The following NSD1 variants were observed in gnomAD, a reference collection of about 807,000 sequenced individuals.
The protein encoded by NSD1 is histone-lysine N-methyltransferase, H3 lysine-36 specific.
A neutral mutation model predicts 242.7 loss-of-function variants in NSD1; 26 were observed. That is an observed-to-expected ratio of 0.11 (90% CI 0.08 to 0.15). NSD1 has a LOEUF of 0.15. Ranked by LOEUF, NSD1 falls within the 10% of genes least tolerant of loss-of-function variation. The pLI is 1.00. For synonymous variants in NSD1, 1,106 were observed against 1,178.1 expected (o/e 0.94, Z 1.25); for missense variants, 2,495 against 3,272.8 (o/e 0.76, Z 5.80).
At chr5:177,190,526 G>C (rs1402130194) in intron 2 of NSD1, among the ~76,000 whole-genome samples, 6 of 152,184 alleles carry the variant, frequency 3.9e-5, no homozygotes, top group Admixed American at 2.6e-4. Flanking sequence ...CTGGCCTCAA[G>C]TTATCTGCCT....
intron 21 of NSD1, among the ~76,000 whole-genome samples, chr5:177,289,983 A>G (rs990231455): frequency 6.6e-6 from 1 of 151,448 alleles, no homozygotes; most frequent in Non-Finnish European, 1.5e-5. Flanking sequence ...GCCCGCCACC[A>G]TGCCCGGCTA....
chr5:177,278,422 A>G (rs781634483), intron 17 of NSD1, among the ~76,000 whole-genome samples: 1 of 152,200 alleles, frequency 6.6e-6, no homozygotes, highest in Admixed American at 6.5e-5. Flanking sequence ...CTCCTGTTAA[A>G]TGTTGATAGA....
chr5:177,153,206 CT>C (rs1237449666), intron 2 of NSD1, among the ~76,000 whole-genome samples: 9 of 138,172 alleles, frequency 6.5e-5, no homozygotes, highest in Non-Finnish European at 1.2e-4. Context: ...ATTTCTTTTT[CT>C]GTTTTTTTTT....
intron 5 of NSD1, among the ~76,000 whole-genome samples, chr5:177,213,408 G>A (rs1175778342): frequency 1.3e-5 from 2 of 152,122 alleles, no homozygotes; most frequent in African/African-American, 4.8e-5. Context: ...ATCAATTGTG[G>A]AATATTTGCA....
At chr5:177,161,675 TC>T (rs1439902720) in intron 2 of NSD1, among the ~76,000 whole-genome samples, 2 of 117,388 alleles carry the variant, frequency 1.7e-5, no homozygotes, top group Non-Finnish European at 3.2e-5. Flanking sequence ...TCTGTTTCTT[TC>T]TTTCTTTTTT....
At chr5:177,223,081 C>CTT (rs559743026) in intron 5 of NSD1, among the ~76,000 whole-genome samples, 2 of 136,516 alleles carry the variant, frequency 1.5e-5, no homozygotes, top group African/African-American at 2.7e-5. Flanking sequence ...TTTTCTTTTT[C>CTT]TTTTTTTTTT....
At chr5:177,261,262 TAGAG>T (rs1756980428) in intron 14 of NSD1, among the ~76,000 whole-genome samples, 1 of 78,838 alleles carries the variant, frequency 1.3e-5, no homozygotes, top group Admixed American at 1.4e-4. Context: ...TTTTTTTTTG[TAGAG>T]ATGGGGTTTC....
chr5:177,149,188 G>A (rs1440480571), intron 2 of NSD1, among the ~76,000 whole-genome samples: 1 of 151,538 alleles, frequency 6.6e-6, no homozygotes, highest in African/African-American at 2.4e-5. Context: ...AGCCATTCGT[G>A]TAGATATGTA....
intron 16 of NSD1, among the ~76,000 whole-genome samples, chr5:177,271,269 G>A (rs1757923215): frequency 6.6e-6 from 1 of 152,178 alleles, no homozygotes; most frequent in Non-Finnish European, 1.5e-5. Flanking sequence ...AAGAAGCTGG[G>A]GAGCAATGTT....
At chr5:177,197,960 GTA>G (rs1306156117) in intron 3 of NSD1, among the ~76,000 whole-genome samples, 16 of 152,090 alleles carry the variant, frequency 1.1e-4, no homozygotes, top group Admixed American at 2.0e-4. Flanking sequence ...AGGCAGATAG[GTA>G]TATAGGATTC....
At chr5:177,185,759 TTTTATATA>T (rs1228380464) in intron 2 of NSD1, among the ~76,000 whole-genome samples, 2 of 86,154 alleles carry the variant, frequency 2.3e-5, no homozygotes, top group Non-Finnish European at 4.0e-5. Flanking sequence ...ATATAATATA[TTTTATATA>T]TTTATATATT....
chr5:177,193,403 A>G (rs1761855782), intron 3 of NSD1, among the ~76,000 whole-genome samples: 1 of 152,018 alleles, frequency 6.6e-6, no homozygotes, highest in South Asian at 2.1e-4. Flanking sequence ...CGGCCTTACA[A>G]AATGCTGGGA....
chr5:177,287,268 G>A (rs1486830981), intron 20 of NSD1, among the ~76,000 whole-genome samples: 1 of 152,206 alleles, frequency 6.6e-6, no homozygotes, highest in Non-Finnish European at 1.5e-5. Flanking sequence ...TTTTATTTGT[G>A]TATAAGGTAC....
intron 20 of NSD1, among the ~76,000 whole-genome samples, chr5:177,286,437 G>A (rs1162431795): frequency 2.0e-5 from 3 of 152,102 alleles, no homozygotes; most frequent in East Asian, 3.8e-4. Context: ...TGGAATGGGT[G>A]GTTTCAGAGT....
At chr5:177,212,292 G>A (rs1763407445) in intron 5 of NSD1, 97 bp downstream of exon 5, 2 of 1,210,860 alleles carry the variant, frequency 1.7e-6, no homozygotes, top group South Asian at 1.3e-5. Context: ...GTAAAGTGAA[G>A]TATAAACTAG....
intron 2 of NSD1, among the ~76,000 whole-genome samples, chr5:177,143,737 G>A (rs1757006545): frequency 6.6e-6 from 1 of 151,826 alleles, no homozygotes; most frequent in South Asian, 2.1e-4. Flanking sequence ...CTAAATTACG[G>A]CTAGTACCTT....
At chr5:177,141,055 C>T (rs1039887728) in intron 2 of NSD1, among the ~76,000 whole-genome samples, 1 of 152,160 alleles carries the variant, frequency 6.6e-6, no homozygotes, top group Non-Finnish European at 1.5e-5. Flanking sequence ...CAGAGTCTCA[C>T]TCTGTCACCC....
chr5:177,251,101 A>G (rs1196785875), intron 11 of NSD1, among the ~76,000 whole-genome samples: 2 of 152,022 alleles, frequency 1.3e-5, no homozygotes, highest in Non-Finnish European at 2.9e-5. Flanking sequence ...GAGGCAGGAG[A>G]ATCACTTGAA....
chr5:177,157,023 G>A lies in NSD1; in HGVS notation c.927+20993G>A, dbSNP rs560595633. 7.2e-5 allele frequency among the ~76,000 whole-genome samples: 11 copies of A among 152,112 alleles called. 3 individuals are homozygous for A. Among genetic ancestry groups the A allele is most frequent in the African/African-American group, 2.2e-4 (9 of 41,502 alleles). ...ATACTAACTGCATTAGCAAGACTCC[G>A]TCTCTAAATAAATAAGTGAATAAAT... On this transcript the variant is annotated intron_variant, in intron 2 of 22. Coordinates refer to ENST00000439151, the MANE Select transcript of NSD1 (RefSeq NM_022455.5).
Sources: gnomAD v4.1 joint callset for allele counts (sites outside exome capture counted in the v4.1 genomes callset) on GRCh38, gnomAD v4.1.1 for gene constraint, MANE v1.5 for transcripts, NCBI Gene and HGNC (gene_info 2026-07-23, HGNC 2026-07-21) for gene names.